The following SRCIN1 variants were observed in gnomAD, a reference collection of about 807,000 sequenced individuals.
The protein encoded by SRCIN1 is SRC kinase signaling inhibitor 1, also known as P130Cas-associated protein.
A neutral mutation model predicts 116.2 loss-of-function variants in SRCIN1; 50 were observed. That is an observed-to-expected ratio of 0.43 (90% CI 0.34 to 0.54). The LOEUF is 0.54. SRCIN1 is among the 20% of genes least tolerant of loss of function. The pLI is 0.02. For missense variants in SRCIN1, 1,446 were observed against 1,672.0 expected (o/e 0.86, Z 2.36); for synonymous variants, 736 against 750.0 (o/e 0.98, Z 0.30).
chr17:38,540,850 G>A (rs757214563), intron 18 of SRCIN1, among the ~76,000 whole-genome samples: 1 of 152,138 alleles, frequency 6.6e-6, no homozygotes, highest in Non-Finnish European at 1.5e-5. Flanking sequence ...TCAGTTAGAG[G>A]TGACAGAAGT....
intron 17 of SRCIN1, among the ~76,000 whole-genome samples, chr17:38,545,708 C>T (rs1029791442): frequency 6.6e-6 from 1 of 152,184 alleles, no homozygotes; most frequent in African/African-American, 2.4e-5. Flanking sequence ...GGCAGGCACA[C>T]ATTTACTTTA....
At chr17:38,540,115 GGT>G (rs1177187210) in intron 18 of SRCIN1, among the ~76,000 whole-genome samples, 1 of 151,956 alleles carries the variant, frequency 6.6e-6, no homozygotes, top group Non-Finnish European at 1.5e-5. Context: ...TAGAAGAGGG[GGT>G]GTCCATAGCT....
In SRCIN1 at chr17:38,558,943, C is replaced by CT; in HGVS notation, c.2026-542dup. ...AGCTTCTATGGCTGGGACAGGAAGA[C>CT]TAAGTTGATGATCGATCCAACCCTG... On this transcript the variant is annotated intron_variant, in intron 10 of 18. Transcript: ENST00000617146. This position sits in a 1 kb window ranked among gnomAD's most constrained non-coding sequence, Gnocchi z 4.6. 5.7e-6 allele frequency: 1 copy of CT among 176,228 alleles called. No homozygotes were observed. The highest frequency in any genetic ancestry group is 1.2e-5 in the Non-Finnish European group (1 of 83,704). The allele number at this position is 176,228 out of a possible 1,614,324, so 10.9% of individuals were successfully genotyped here.
Position 38,530,835 on chromosome 17 carries a change from T to C in SRCIN1, c.*2462A>G, listed in dbSNP as rs1285691583. On this transcript the variant is annotated 3_prime_UTR_variant, in exon 19 of 19. Transcript: ENST00000617146. ...CGTGCCAATGCCCAAACAGGTTACA[T>C]GCACCTATGTGCCCACGCCTTCCCC... The C allele has an allele frequency of 6.6e-6, 1 of 152,344 alleles. No individual in the cohort carries two copies. Among genetic ancestry groups the C allele is most frequent in the Non-Finnish European group, 1.5e-5 (1 of 68,116 alleles). 9.4% of individuals were successfully genotyped at this position (152,344 alleles called of 1,614,324 possible).
intron 11 of SRCIN1, among the ~76,000 whole-genome samples, chr17:38,555,600 T>C (rs961695898): frequency 9.9e-5 from 15 of 152,206 alleles, no homozygotes; most frequent in African/African-American, 2.9e-4. Flanking sequence ...GAAAAAAAGA[T>C]ATTCAGATAT....
rs545439128 is a variant in SRCIN1, at chr17:38,544,494, C to T, written c.3271-525G>A. ...CCTCCCCAAGTACCAGGCCTGCCCG[C>T]GGGGCACTGGGGATCCAGAGGCGCA... On this transcript the variant is annotated intron_variant, in intron 17 of 18. Transcript: ENST00000617146. This position sits in a 1 kb window ranked among gnomAD's most constrained non-coding sequence, Gnocchi z 4.5. 2.6e-5 allele frequency: 4 copies of T among 152,934 alleles called. No individual in the cohort carries two copies. The highest frequency in any genetic ancestry group is 4.1e-4 in the South Asian group (2 of 4,826). The allele number at this position is 152,934 out of a possible 1,614,324, so 9.5% of individuals were successfully genotyped here. A position where few individuals can be genotyped will look rare whatever the true frequency, so the allele number is the denominator to read the frequency against.
chr17:38,536,654 C>T (rs1334821130), intron 18 of SRCIN1, among the ~76,000 whole-genome samples: 1 of 152,230 alleles, frequency 6.6e-6, no homozygotes, highest in African/African-American at 2.4e-5. Flanking sequence ...CCCAGGGCCA[C>T]CCTCCCTAGC....
chr17:38,556,417 G>T (rs1212502905), intron 11 of SRCIN1, among the ~76,000 whole-genome samples: 1 of 152,234 alleles, frequency 6.6e-6, no homozygotes, highest in Admixed American at 6.5e-5. Context: ...TTAAGTGCTG[G>T]GCTAGATGGG....
In SRCIN1 at chr17:38,552,403, G is replaced by A. The variant is rs111229756; in HGVS notation, c.2480+44C>T. 1.6e-4 allele frequency: 250 copies of A among 1,570,828 alleles called. No individual in the cohort carries two copies. The African/African-American group carries it at 1.7e-3, about 11-fold the overall frequency. ...CAGTATGACCTATGGGTCTGGGCCC[G>A]GTGTGTGAACCCATGGGAAATCAGA... On this transcript the variant is annotated intron_variant, in intron 13 of 18. Coordinates refer to ENST00000617146, the MANE Select transcript of SRCIN1 (RefSeq NM_025248.3). This position sits in a 1 kb window ranked among gnomAD's most constrained non-coding sequence, Gnocchi z 5.3.
intron 2 of SRCIN1, chr17:38,574,848 G>T (rs564740114): frequency 5.0e-6 from 2 of 400,778 alleles, no homozygotes; most frequent in Admixed American, 4.4e-5. Context: ...CATGGGCTTG[G>T]GGGGTGGGGT....
chr17:38,597,887 G>A (rs1908805497), intron 1 of SRCIN1, among the ~76,000 whole-genome samples: 2 of 152,204 alleles, frequency 1.3e-5, no homozygotes, highest in Non-Finnish European at 2.9e-5. Flanking sequence ...CAGGCTGCCA[G>A]TGGACCAGGA....
rs759716821 is a variant in SRCIN1, at chr17:38,548,730, G to A, written c.3118-21C>T. 7 of 1,563,798 alleles carry A rather than the reference G, an allele frequency of 4.5e-6. No individual in the cohort carries two copies. The African/African-American group carries it at 9.4e-5, about 21-fold the overall frequency. On this transcript the variant is annotated intron_variant, in intron 16 of 18. Coordinates refer to ENST00000617146, the MANE Select transcript of SRCIN1 (RefSeq NM_025248.3). ...GCCTTCTGCAAGGCCCGGGACTCCTGTCAAGGCCAGGCTCTGCCCCACTTC... is the reference window on the plus strand; with the variant it reads ...GCCTTCTGCAAGGCCCGGGACTCCTATCAAGGCCAGGCTCTGCCCCACTTC...
chr17:38,563,319 C>A lies in SRCIN1; in HGVS notation c.740+4G>T. 1.9e-6 allele frequency: 3 copies of A among 1,568,324 alleles called. No individual in the cohort carries two copies. In the East Asian group the frequency reaches 7.1e-5, roughly 37 times the overall value. On this transcript the variant is annotated splice_donor_region_variant and intron_variant, in intron 5 of 18. Transcript: ENST00000617146. The surrounding 1 kb of genome is among the most constrained non-coding windows in gnomAD (Gnocchi z 5.8). Reference sequence around the variant, plus strand: ...CACCCAAATCCCCCCCGGTCCACGCCCACCGGACGTCCTCCAGCTCGTAGA... The same window carrying A: ...CACCCAAATCCCCCCCGGTCCACGCACACCGGACGTCCTCCAGCTCGTAGA...
intron 14 of SRCIN1, 21 bp downstream of exon 14, chr17:38,551,865 C>T: frequency 6.2e-7 from 1 of 1,613,172 alleles, no homozygotes; most frequent in Non-Finnish European, 8.5e-7. Flanking sequence ...TGGCCCCACC[C>T]ACAATCCCTG....
At position 38,558,480 on chromosome 17, in the gene SRCIN1, G is replaced by C; in HGVS notation, c.2026-78C>G. On this transcript the variant is annotated intron_variant, in intron 10 of 18. Coordinates refer to ENST00000617146, the MANE Select transcript of SRCIN1 (RefSeq NM_025248.3). The surrounding 1 kb of genome is among the most constrained non-coding windows in gnomAD (Gnocchi z 4.6). ...CAGGGGAAGGGCCGGGAGAAGGCGG[G>C]TAGAGGACTGCCCAATCCAGGGCGG... 1 of 1,488,622 alleles carries C rather than the reference G, an allele frequency of 6.7e-7. No homozygotes were observed. The highest frequency in any genetic ancestry group is 8.9e-7 in the Non-Finnish European group (1 of 1,117,790). The allele number at this position is 1,488,622 out of a possible 1,614,324, so 92.2% of individuals were successfully genotyped here.
In SRCIN1 at chr17:38,564,185, C is replaced by T. The variant is rs1326927053; in HGVS notation, c.474G>A (p.Arg158=). The T allele has an allele frequency of 1.9e-6, 3 of 1,593,112 alleles. No homozygotes were observed. The highest frequency in any genetic ancestry group is 2.6e-6 in the Non-Finnish European group (3 of 1,170,802). ...SEAELPLGFS[R]MNRFRQSLPL... ...GCAGGCTCTGTCGGAAGCGGTTCAT[C>T]CTGCTGAAGCCCAGGGGCAGCTCGG... The change falls in exon 4 of 19, where the codon AGG becomes AGA. Residue 158 remains arginine (R), a synonymous_variant. Coordinates refer to ENST00000617146, the MANE Select transcript of SRCIN1 (RefSeq NM_025248.3).
In SRCIN1 at chr17:38,533,160, G is replaced by A; in HGVS notation, c.*137C>T. ...TGATGGGTAGGGGTCGCTGAGGAGG[G>A]CCGCACCCTCCTCTTCAGGGCACAC... On this transcript the variant is annotated 3_prime_UTR_variant, in exon 19 of 19. Transcript: ENST00000617146. 1.8e-6 allele frequency: 2 copies of A among 1,091,058 alleles called. No individual in the cohort carries two copies. The highest frequency in any genetic ancestry group is 2.5e-6 in the Non-Finnish European group (2 of 815,972). 67.6% of individuals were successfully genotyped at this position (1,091,058 alleles called of 1,614,324 possible). A position where few individuals can be genotyped will look rare whatever the true frequency, so the allele number is the denominator to read the frequency against.
At chr17:38,545,787 G>A (rs1334252777) in intron 17 of SRCIN1, among the ~76,000 whole-genome samples, 2 of 152,240 alleles carry the variant, frequency 1.3e-5, no homozygotes, top group East Asian at 3.9e-4. Flanking sequence ...TCTGTGCAAT[G>A]ACTCGACACC....
At chr17:38,581,900 C>T (rs1401158887) in intron 1 of SRCIN1, among the ~76,000 whole-genome samples, 1 of 152,192 alleles carries the variant, frequency 6.6e-6, no homozygotes, top group Non-Finnish European at 1.5e-5. Flanking sequence ...CCTGACCTTC[C>T]TCCTCCTCCA....
Sources: allele counts gnomAD v4.1 joint callset (sites outside exome capture counted in the v4.1 genomes callset), GRCh38; gene constraint gnomAD v4.1.1; non-coding constraint Gnocchi (gnomAD v3.1); transcripts MANE v1.5; gene names NCBI Gene and HGNC (gene_info 2026-07-23, HGNC 2026-07-21).